Variants in PIP4K2A observed in about 807,000 individuals in gnomAD.
The protein encoded by PIP4K2A is phosphatidylinositol-5-phosphate 4-kinase type 2 alpha.
A neutral mutation model predicts 42.9 loss-of-function variants in PIP4K2A; 14 were observed. The observed-to-expected ratio is 0.33, with a 90% CI of 0.22 to 0.51. PIP4K2A has a LOEUF of 0.51. Among genes scored for constraint, PIP4K2A ranks in the 20% least tolerant of loss-of-function variants. The pLI is 0.97. For synonymous variants in PIP4K2A, 192 were observed against 192.2 expected (o/e 1.00, Z 0.01); for missense variants, 434 against 519.8 (o/e 0.83, Z 1.61).
rs533975560 is a variant in PIP4K2A at position 22,616,103 on chromosome 10, T to C, written c.145-6386A>G. On this transcript the variant is annotated intron_variant, in intron 1 of 9. Coordinates refer to ENST00000376573, the MANE Select transcript of PIP4K2A (RefSeq NM_005028.5). ...AAAGCAGCTTTGTTGTCTGCATCAA[T>C]AGAAACAGGGTCAAACGGGGCGGAG... 3.3e-5 allele frequency among the ~76,000 whole-genome samples: 5 copies of C among 152,226 alleles called. No individual in the cohort carries two copies. In the South Asian group the frequency reaches 8.3e-4, roughly 25 times the overall value.
chr10:22,594,377 C>T (rs773054923), intron 3 of PIP4K2A, among the ~76,000 whole-genome samples: 54 of 152,126 alleles, frequency 3.5e-4, no homozygotes, highest in Non-Finnish European at 6.6e-4. Context: ...TGTACCAGTA[C>T]CAGGACAATG....
intron 1 of PIP4K2A, among the ~76,000 whole-genome samples, chr10:22,642,688 T>C (rs528868612): frequency 2.3e-5 from 3 of 133,178 alleles, no homozygotes; most frequent in South Asian, 2.5e-4. Context: ...ATCAAAACGA[T>C]AGTTAGAACA....
At chr10:22,567,523 C>A in intron 6 of PIP4K2A, 1 of 540,866 alleles carries the variant, frequency 1.8e-6, no homozygotes, top group Non-Finnish European at 3.5e-6. Context: ...CCCTGACCCG[C>A]AGGAACGCAC....
At chr10:22,668,097 G>C (rs1392955419) in intron 1 of PIP4K2A, among the ~76,000 whole-genome samples, 1 of 152,024 alleles carries the variant, frequency 6.6e-6, no homozygotes, top group Non-Finnish European at 1.5e-5. Flanking sequence ...GACTATAGGC[G>C]CGTGCTACCA....
At position 22,714,113 on chromosome 10, in the gene PIP4K2A, GGAGGAGGAGGGGAACGAGGAGGAA is replaced by G. The variant is rs1833965122; in HGVS notation, c.144+46_144+69del. 7.5e-5 allele frequency: 108 copies of G among 1,442,506 alleles called. 1 individual carries two copies. In the South Asian group the frequency reaches 1.4e-3, roughly 18 times the overall value. 89.4% of individuals were successfully genotyped at this position (1,442,506 alleles called of 1,614,324 possible). A position where few individuals can be genotyped will look rare whatever the true frequency, so the allele number is the denominator to read the frequency against. On this transcript the variant is annotated intron_variant, in intron 1 of 9. Coordinates refer to ENST00000376573, the MANE Select transcript of PIP4K2A (RefSeq NM_005028.5). ...TCCCCGCCCCGCAGCAGCTGCAGCC[GGAGGAGGAGGGGAACGAGGAGGAA>G]GAGGAGGAGGAGGAAGGGGACCGCG...
intron 1 of PIP4K2A, among the ~76,000 whole-genome samples, chr10:22,672,936 T>C (rs1170336533): frequency 1.3e-5 from 2 of 152,212 alleles, no homozygotes; most frequent in Non-Finnish European, 2.9e-5. Context: ...AGAAGCCTTC[T>C]AGTATTAACA....
At chr10:22,638,098 A>G (rs78727208) in intron 1 of PIP4K2A, among the ~76,000 whole-genome samples, 2 of 152,202 alleles carry the variant, frequency 1.3e-5, no homozygotes, top group Non-Finnish European at 2.9e-5. Context: ...TGCACTAATG[A>G]TCCCCAATGG....
intron 1 of PIP4K2A, among the ~76,000 whole-genome samples, chr10:22,684,065 G>T (rs1175609195): frequency 6.6e-6 from 1 of 151,988 alleles, no homozygotes; most frequent in Non-Finnish European, 1.5e-5. Context: ...GTAGAATGTA[G>T]TCTTTTTCCC....
chr10:22,628,102 T>A (rs2130764588), intron 1 of PIP4K2A, among the ~76,000 whole-genome samples: 1 of 151,716 alleles, frequency 6.6e-6, no homozygotes, highest in South Asian at 2.1e-4. Context: ...ATATTCATAA[T>A]GATCTCTCAG....
At chr10:22,674,978 C>A (rs61178648) in intron 1 of PIP4K2A, among the ~76,000 whole-genome samples, 46,141 of 149,436 alleles carry the variant, frequency 0.31, 11,300 homozygotes, top group African/African-American at 0.69. Flanking sequence ...CTTTAAAAAA[C>A]AAAAAAAAGT....
chr10:22,581,297 A>G (rs971930443), intron 4 of PIP4K2A, among the ~76,000 whole-genome samples: 8 of 91,108 alleles, frequency 8.8e-5, no homozygotes, highest in African/African-American at 2.8e-4. Context: ...CTTGACATTG[A>G]GCTTCCATCT....
chr10:22,584,670 G>A (rs1171230441), intron 4 of PIP4K2A, among the ~76,000 whole-genome samples: 1 of 152,118 alleles, frequency 6.6e-6, no homozygotes. Context: ...GCAAGCTTCG[G>A]GGCACTCATT....
At chr10:22,637,608 T>A (rs1473585200) in intron 1 of PIP4K2A, among the ~76,000 whole-genome samples, 1 of 152,200 alleles carries the variant, frequency 6.6e-6, no homozygotes, top group East Asian at 1.9e-4. Flanking sequence ...TTTTCTTCTT[T>A]GTGCAGTGAG....
chr10:22,583,689 T>A (rs1320860740), intron 4 of PIP4K2A, among the ~76,000 whole-genome samples: 1 of 152,106 alleles, frequency 6.6e-6, no homozygotes, highest in Non-Finnish European at 1.5e-5. Flanking sequence ...TAAATTAGGG[T>A]CAGAGGCCTT....
intron 1 of PIP4K2A, among the ~76,000 whole-genome samples, chr10:22,674,806 TA>T (rs958219488): frequency 1.1e-4 from 16 of 151,404 alleles, no homozygotes; most frequent in Non-Finnish European, 2.2e-4. Flanking sequence ...AATAAATAAA[TA>T]AATAAAACCC....
chr10:22,687,295 T>C (rs964798075), intron 1 of PIP4K2A, among the ~76,000 whole-genome samples: 2 of 152,066 alleles, frequency 1.3e-5, no homozygotes, highest in African/African-American at 4.8e-5. Context: ...TGTTGCATGA[T>C]TTTATATGTG....
At chr10:22,623,594 C>T (rs558107108) in intron 1 of PIP4K2A, among the ~76,000 whole-genome samples, 4 of 152,138 alleles carry the variant, frequency 2.6e-5, no homozygotes, top group Non-Finnish European at 5.9e-5. Flanking sequence ...ACAGTAGGAG[C>T]TTAGAGGTTG....
intron 1 of PIP4K2A, among the ~76,000 whole-genome samples, chr10:22,704,072 G>T (rs1833763867): frequency 6.6e-6 from 1 of 152,132 alleles, no homozygotes; most frequent in Non-Finnish European, 1.5e-5. Flanking sequence ...ACTGCATATA[G>T]AGCCCAAGAG....
chr10:22,647,583 A>T (rs930758079), intron 1 of PIP4K2A, among the ~76,000 whole-genome samples: 3 of 152,180 alleles, frequency 2.0e-5, no homozygotes, highest in African/African-American at 7.2e-5. Context: ...CAGTAACTCA[A>T]TCTGCATTCA....
Sources: allele counts gnomAD v4.1 joint callset (sites outside exome capture counted in the v4.1 genomes callset), GRCh38; gene constraint gnomAD v4.1.1; transcripts MANE v1.5; gene names NCBI Gene and HGNC (gene_info 2026-07-23, HGNC 2026-07-21).